The following STRIP2 variants were observed in gnomAD, a reference collection of about 807,000 sequenced individuals.
The protein encoded by STRIP2 is striatin-interacting protein 2.
Under a neutral mutation model 107.1 loss-of-function variants are expected in STRIP2, and 84 were observed. That is an observed-to-expected ratio of 0.78 (90% CI 0.66 to 0.94). The LOEUF (loss-of-function observed/expected upper bound fraction) is 0.94, where lower values mean the gene tolerates loss of function less well. Among genes scored for constraint, STRIP2 ranks in the 40% least tolerant of loss-of-function variants. STRIP2 has a pLI of 0.00. For missense variants in STRIP2, 888 were observed against 1,034.2 expected (o/e 0.86, Z 1.94); for synonymous variants, 394 against 400.4 (o/e 0.98, Z 0.19).
intron 2 of STRIP2, among the ~76,000 whole-genome samples, chr7:129,441,769 C>G (rs1244048853): frequency 6.6e-6 from 1 of 151,730 alleles, no homozygotes; most frequent in Non-Finnish European, 1.5e-5. Flanking sequence ...TTTGTGCCAC[C>G]ATGTCCAGCT....
At chr7:129,449,092 C>A (rs557591349) in intron 3 of STRIP2, among the ~76,000 whole-genome samples, 111 of 152,250 alleles carry the variant, frequency 7.3e-4, no homozygotes, top group African/African-American at 2.5e-3. Context: ...TTCAGCTGAC[C>A]AAATAAACTA....
intron 13 of STRIP2, chr7:129,460,579 GT>G: frequency 1.8e-6 from 1 of 559,968 alleles, no homozygotes; most frequent in Non-Finnish European, 3.2e-6. Flanking sequence ...TCAGAGAATG[GT>G]AAATACAATG....
chr7:129,460,080 G>A, intron 12 of STRIP2, among the ~76,000 whole-genome samples: 1 of 152,158 alleles, frequency 6.6e-6, no homozygotes, highest in East Asian at 1.9e-4. Flanking sequence ...TTCAGCAAAT[G>A]TAGAAACAGA....
rs146356938 is a variant in STRIP2, at chr7:129,482,900, C to G, written c.2108C>G (p.Ala703Gly). The G allele has an allele frequency of 3.4e-5, 55 of 1,613,932 alleles. No homozygotes were observed. The African/African-American group carries it at 6.9e-4, about 20-fold the overall frequency. ...ILKRALKVKQ[A>G]MLQLYVLKLL... ...AAGCGGGCCCTCAAGGTCAAACAGGCCATGCTGCAACTTTATGTCCTAAAG... is the reference window on the plus strand; with the variant it reads ...AAGCGGGCCCTCAAGGTCAAACAGGGCATGCTGCAACTTTATGTCCTAAAG... The change falls in exon 20 of 21, where the codon GCC becomes GGC. Residue 703 changes from alanine (A) to glycine (G), a missense_variant. Transcript: ENST00000249344.
At chr7:129,439,148 A>G (rs557669042) in intron 1 of STRIP2, among the ~76,000 whole-genome samples, 3 of 152,178 alleles carry the variant, frequency 2.0e-5, no homozygotes, top group South Asian at 4.1e-4. Context: ...CTTTCCTAAC[A>G]TAAGTCACCT....
At chr7:129,437,672 C>T (rs1189528797) in intron 1 of STRIP2, among the ~76,000 whole-genome samples, 1 of 151,990 alleles carries the variant, frequency 6.6e-6, no homozygotes, top group African/African-American at 2.4e-5. Flanking sequence ...AAGTCCTTAC[C>T]TATCAGAATA....
At chr7:129,477,774 G>T (rs994799338) in intron 18 of STRIP2, 1 of 242,596 alleles carries the variant, frequency 4.1e-6, no homozygotes, top group African/African-American at 2.3e-5. Context: ...ATTGGCTAAT[G>T]AGGTGGGTGA....
At chr7:129,452,082 A>T (rs1798209286) in intron 4 of STRIP2, among the ~76,000 whole-genome samples, 1 of 152,152 alleles carries the variant, frequency 6.6e-6, no homozygotes, top group Non-Finnish European at 1.5e-5. Context: ...GATCATGGAG[A>T]CAAGACATCA....
chr7:129,444,123 A>G, intron 3 of STRIP2, 25 bp downstream of exon 3: 2 of 1,571,920 alleles, frequency 1.3e-6, no homozygotes, highest in Non-Finnish European at 1.7e-6. Flanking sequence ...TTACTCATAG[A>G]GACCTGCTTT....
intron 1 of STRIP2, among the ~76,000 whole-genome samples, chr7:129,436,716 A>AT (rs1185220090): frequency 3.9e-5 from 6 of 151,902 alleles, no homozygotes; most frequent in South Asian, 4.2e-4. Context: ...AGGAGATGGG[A>AT]TTTTTTTCCT....
At chr7:129,454,668 A>G (rs1798295269) in intron 7 of STRIP2, 141 bp downstream of exon 7, 1 of 642,846 alleles carries the variant, frequency 1.6e-6, no homozygotes, top group African/African-American at 1.8e-5. Flanking sequence ...TAGGACACAG[A>G]TACTGCATGG....
rs902432735 is a variant in STRIP2, at chr7:129,485,996, C to T, written c.*167C>T. 3 of 730,232 alleles carry T rather than the reference C, an allele frequency of 4.1e-6. No individual in the cohort carries two copies. Among genetic ancestry groups the T allele is most frequent in the Non-Finnish European group, 6.6e-6 (3 of 456,646 alleles). 45.2% of individuals were successfully genotyped at this position (730,232 alleles called of 1,614,324 possible). On this transcript the variant is annotated 3_prime_UTR_variant, in exon 21 of 21. Coordinates refer to ENST00000249344, the MANE Select transcript of STRIP2 (RefSeq NM_020704.3). ...TCCTGAATCACAATAAAATGATCAACTTGCCCTGGGGTCAGTTGGGTGCCC... is the reference window on the plus strand; with the variant it reads ...TCCTGAATCACAATAAAATGATCAATTTGCCCTGGGGTCAGTTGGGTGCCC...
chr7:129,453,467 C>T, intron 5 of STRIP2, 120 bp downstream of exon 5: 2 of 1,259,162 alleles, frequency 1.6e-6, no homozygotes, highest in Non-Finnish European at 2.2e-6. Context: ...CTACTCACAC[C>T]TCAGCCCAAA....
rs1031815553 is a variant in STRIP2, at chr7:129,483,150, T to C, written c.2254+104T>C. ...TTTTGGCATGAATTGTTACATATTTTAGATGAAAAAATATGTGATTATAGG... is the reference window on the plus strand; with the variant it reads ...TTTTGGCATGAATTGTTACATATTTCAGATGAAAAAATATGTGATTATAGG... On this transcript the variant is annotated intron_variant, in intron 20 of 20. Coordinates refer to ENST00000249344, the MANE Select transcript of STRIP2 (RefSeq NM_020704.3). This position sits in a 1 kb window ranked among gnomAD's most constrained non-coding sequence, Gnocchi z 5.1. 2.7e-6 allele frequency: 4 copies of C among 1,480,266 alleles called. No homozygotes were observed. In the African/African-American group the frequency reaches 4.3e-5, roughly 16 times the overall value. The allele number at this position is 1,480,266 out of a possible 1,614,324, so 91.7% of individuals were successfully genotyped here.
rs146948784 is a variant in STRIP2, at chr7:129,465,448, G to A, written c.1776+710G>A. 9.3e-3 allele frequency among the ~76,000 whole-genome samples: 1,416 copies of A among 152,298 alleles called. 26 individuals carry two copies. Among genetic ancestry groups the A allele is most frequent in the African/African-American group, 0.033 (1,356 of 41,548 alleles). Reference sequence around the variant, plus strand: ...AAAACCGTAATTAAATGTTGCTGGAGTTCTGCCTGGGGCGGGGAAAGATGG... The same window carrying A: ...AAAACCGTAATTAAATGTTGCTGGAATTCTGCCTGGGGCGGGGAAAGATGG... On this transcript the variant is annotated intron_variant, in intron 16 of 20. Coordinates refer to ENST00000249344, the MANE Select transcript of STRIP2 (RefSeq NM_020704.3).
At chr7:129,449,142 G>A (rs572824963) in intron 3 of STRIP2, among the ~76,000 whole-genome samples, 11 of 152,246 alleles carry the variant, frequency 7.2e-5, no homozygotes, top group East Asian at 1.9e-4. Context: ...AACATTGAAC[G>A]CAGAGCCCCT....
chr7:129,476,807 G>A (rs1798966823), intron 18 of STRIP2, among the ~76,000 whole-genome samples: 1 of 152,140 alleles, frequency 6.6e-6, no homozygotes, highest in South Asian at 2.1e-4. Context: ...TCGGCACTTT[G>A]GGAGGCCAAG....
At chr7:129,467,945 C>T (rs1420705983) in intron 17 of STRIP2, among the ~76,000 whole-genome samples, 1 of 152,152 alleles carries the variant, frequency 6.6e-6, no homozygotes, top group African/African-American at 2.4e-5. Flanking sequence ...TTAATCTCCT[C>T]AGCAATGCTA....
intron 17 of STRIP2, among the ~76,000 whole-genome samples, chr7:129,470,242 A>G (rs1798760069): frequency 6.6e-6 from 1 of 152,224 alleles, no homozygotes; most frequent in African/African-American, 2.4e-5. Context: ...GGATCATTTC[A>G]TCCTCCCATC....
Sources: gnomAD v4.1 joint callset for allele counts (sites outside exome capture counted in the v4.1 genomes callset) on GRCh38, gnomAD v4.1.1 for gene constraint, Gnocchi (gnomAD v3.1) non-coding constraint, MANE v1.5 for transcripts, NCBI Gene and HGNC (gene_info 2026-07-23, HGNC 2026-07-21) for gene names.